Variants in NME7 observed in about 807,000 individuals in gnomAD.
NME7 encodes the protein NME/NM23 family member 7, also known as nucleoside diphosphate kinase 7.
NME7 carries 41 observed loss-of-function variants against 49.1 expected under a neutral mutation model. That is an observed-to-expected ratio of 0.83 (90% CI 0.65 to 1.08). The LOEUF (loss-of-function observed/expected upper bound fraction) is 1.08. Ranked by LOEUF, NME7 falls within the 50% of genes least tolerant of loss-of-function variation. The pLI is 0.00. For missense variants in NME7, 423 were observed against 463.4 expected, an observed-to-expected ratio of 0.91 and a Z score of 0.80; for synonymous variants, 139 against 150.6, an observed-to-expected ratio of 0.92 and a Z score of 0.56.
intron 7 of NME7, among the ~76,000 whole-genome samples, chr1:169,281,756 G>A (rs971536465): frequency 3.9e-5 from 6 of 152,104 alleles, no homozygotes; most frequent in Admixed American, 6.6e-5. Flanking sequence ...TACGTTTATC[G>A]ATTTGTGTAT....
At chr1:169,355,025 ATATAT>A (rs1653349707) in intron 1 of NME7, among the ~76,000 whole-genome samples, 1 of 83,590 alleles carries the variant, frequency 1.2e-5, no homozygotes, top group African/African-American at 4.7e-5. Flanking sequence ...TAATATAATT[ATATAT>A]TATATATTAT....
At chr1:169,285,348 C>G (rs1168362580) in intron 7 of NME7, 1 of 152,052 alleles carries the variant, frequency 6.6e-6, no homozygotes, top group Non-Finnish European at 1.5e-5. Context: ...TGTGTAGACA[C>G]TCACATACAC....
chr1:169,206,038 A>T (rs1333380025), intron 10 of NME7, among the ~76,000 whole-genome samples: 1 of 152,004 alleles, frequency 6.6e-6, no homozygotes, highest in African/African-American at 2.4e-5. Context: ...TTTTAAATGC[A>T]GCCTTCTCTG....
intron 4 of NME7, among the ~76,000 whole-genome samples, chr1:169,309,319 G>C (rs1017654674): frequency 6.6e-6 from 1 of 152,072 alleles, no homozygotes; most frequent in South Asian, 2.1e-4. Flanking sequence ...GCAATAAAAG[G>C]TTCCCTTTAC....
intron 10 of NME7, among the ~76,000 whole-genome samples, chr1:169,204,000 G>A (rs1440480007): frequency 6.6e-6 from 1 of 151,916 alleles, no homozygotes; most frequent in Non-Finnish European, 1.5e-5. Flanking sequence ...GGGACTACAG[G>A]TATGCACCAC....
rs748107800 is a variant in NME7 at position 169,199,015 on chromosome 1, T to G, written c.991-29461A>C. Among the ~76,000 whole-genome samples, 124 of 152,148 alleles carry G rather than the reference T, an allele frequency of 8.1e-4. 1 individual carries two copies. Among genetic ancestry groups the G allele is most frequent in the Non-Finnish European group, 2.2e-4 (15 of 68,022 alleles). ...AGATGTTCTTACATTGACTTGTATT[T>G]CGATTTCATAAAATGTGACTAATAA... On this transcript the variant is annotated intron_variant, in intron 10 of 11. Coordinates refer to ENST00000367811, the MANE Select transcript of NME7 (RefSeq NM_013330.5).
intron 11 of NME7, 148 bp downstream of exon 11, chr1:169,169,299 T>C (rs1011252600): frequency 4.8e-6 from 3 of 630,826 alleles, no homozygotes; most frequent in South Asian, 3.6e-5. Context: ...GGCACGTGTA[T>C]ACCTATGTAA....
chr1:169,287,293 T>C lies in NME7; in HGVS notation c.754+10A>G. 3 of 1,589,464 alleles carry C rather than the reference T, an allele frequency of 1.9e-6. No homozygotes were observed. Among genetic ancestry groups the C allele is most frequent in the Non-Finnish European group, 2.6e-6 (3 of 1,158,594 alleles). On this transcript the variant is annotated intron_variant, in intron 7 of 11. Coordinates refer to ENST00000367811, the MANE Select transcript of NME7 (RefSeq NM_013330.5). ...AACAAAATGTACTGAATATAGTGTATTCAACATACCTTCACTGACAGCATG... is the reference window on the plus strand; with the variant it reads ...AACAAAATGTACTGAATATAGTGTACTCAACATACCTTCACTGACAGCATG...
chr1:169,209,822 T>C (rs1660764385), intron 10 of NME7, among the ~76,000 whole-genome samples: 1 of 152,138 alleles, frequency 6.6e-6, no homozygotes. Flanking sequence ...TTAGACTTCC[T>C]TGAATTCCTA....
chr1:169,362,475 A>G (rs1040682459), intron 1 of NME7, among the ~76,000 whole-genome samples: 1 of 152,194 alleles, frequency 6.6e-6, no homozygotes, highest in African/African-American at 2.4e-5. Flanking sequence ...CTTCATCTTA[A>G]ATGAGGTGTA....
intron 7 of NME7, among the ~76,000 whole-genome samples, chr1:169,279,115 T>G (rs1323987959): frequency 6.6e-6 from 1 of 152,204 alleles, no homozygotes; most frequent in Non-Finnish European, 1.5e-5. Context: ...GCCTCCCAGT[T>G]AGGCTGCTTG....
Position 169,355,313 on chromosome 1 carries a change from G to A in NME7, c.3+12395C>T, listed in dbSNP as rs555366895. 5.3e-5 allele frequency among the ~76,000 whole-genome samples: 5 copies of A among 93,720 alleles called. No individual in the cohort carries two copies. In the South Asian group the frequency reaches 1.2e-3, roughly 22 times the overall value. The allele number at this position is 93,720 out of a possible 152,430, so 61.5% of individuals were successfully genotyped here. A position where few individuals can be genotyped will look rare whatever the true frequency, so the allele number is the denominator to read the frequency against. ...TATTGTATATTATATATAATATATT[G>A]TATATTATATATAATATATTGTATA... On this transcript the variant is annotated intron_variant, in intron 1 of 11. Transcript: ENST00000367811.
chr1:169,154,520 A>G (rs1476757966), intron 11 of NME7, among the ~76,000 whole-genome samples: 1 of 151,774 alleles, frequency 6.6e-6, no homozygotes, highest in Non-Finnish European at 1.5e-5. Context: ...GAATTTGAAA[A>G]TCAGAGGCCA....
intron 10 of NME7, among the ~76,000 whole-genome samples, chr1:169,201,006 G>A (rs1361871064): frequency 1.3e-5 from 2 of 152,106 alleles, no homozygotes; most frequent in African/African-American, 4.8e-5. Flanking sequence ...TGAGACAGGA[G>A]GATCCCTTGA....
At chr1:169,155,033 C>T (rs993653467) in intron 11 of NME7, among the ~76,000 whole-genome samples, 2 of 151,824 alleles carry the variant, frequency 1.3e-5, no homozygotes, top group Non-Finnish European at 2.9e-5. Flanking sequence ...TGGTCTTGAA[C>T]TCCTTGGCTC....
intron 10 of NME7, among the ~76,000 whole-genome samples, chr1:169,181,184 C>A (rs894299013): frequency 6.7e-6 from 1 of 148,824 alleles, no homozygotes; most frequent in Non-Finnish European, 1.5e-5. Context: ...TATCTACCTA[C>A]CTATCTATAA....
chr1:169,335,751 A>AT (rs1652439060), intron 1 of NME7, among the ~76,000 whole-genome samples: 1 of 147,096 alleles, frequency 6.8e-6, no homozygotes, highest in Non-Finnish European at 1.5e-5. Context: ...ATATACTTTT[A>AT]TATATTAAAT....
At chr1:169,341,798 C>T (rs571641130) in intron 1 of NME7, among the ~76,000 whole-genome samples, 81 of 152,238 alleles carry the variant, frequency 5.3e-4, no homozygotes, top group African/African-American at 1.9e-3. Context: ...AAGTACCCTG[C>T]CAGGTTTTGG....
chr1:169,279,668 G>A (rs1051992037), intron 7 of NME7, among the ~76,000 whole-genome samples: 7 of 152,120 alleles, frequency 4.6e-5, no homozygotes, highest in African/African-American at 7.2e-5. Flanking sequence ...GCCCTGCTTC[G>A]GCTCGCGCAT....
Sources: allele counts gnomAD v4.1 joint callset (sites outside exome capture counted in the v4.1 genomes callset), GRCh38; gene constraint gnomAD v4.1.1; transcripts MANE v1.5; gene names NCBI Gene and HGNC (gene_info 2026-07-23, HGNC 2026-07-21).